The following DTWD2 variants were observed in gnomAD, a reference collection of about 807,000 sequenced individuals.
The protein encoded by DTWD2 is tRNA-uridine aminocarboxypropyltransferase 2.
Under a neutral mutation model 31.8 loss-of-function variants are expected in DTWD2, and 39 were observed. The observed-to-expected ratio is 1.22, with a 90% CI of 0.95 to 1.60. DTWD2 has a LOEUF of 1.60. Ranked by LOEUF, DTWD2 falls within the 40% of genes most tolerant of loss-of-function variation. The pLI, the probability that DTWD2 is intolerant of heterozygous loss-of-function variation, is 0.00. For synonymous variants in DTWD2, 180 were observed against 142.8 expected (o/e 1.26, Z -1.86); for missense variants, 515 against 381.5 (o/e 1.35, Z -2.92).
At chr5:118,913,584 T>C (rs1284655001) in intron 4 of DTWD2, among the ~76,000 whole-genome samples, 1 of 151,780 alleles carries the variant, frequency 6.6e-6, no homozygotes, top group Non-Finnish European at 1.5e-5. Flanking sequence ...GAACAAAGAT[T>C]CTTAAGTATA....
chr5:118,873,205 C>A (rs1176679131), intron 4 of DTWD2, among the ~76,000 whole-genome samples: 2 of 152,198 alleles, frequency 1.3e-5, no homozygotes, highest in Non-Finnish European at 2.9e-5. Context: ...TAGTGGAGCA[C>A]AGCCCGGAAC....
In DTWD2 at chr5:118,944,639, T is replaced by C; in HGVS notation, c.229A>G (p.Lys77Glu). 6.2e-7 allele frequency: 1 copy of C among 1,613,116 alleles called. No individual in the cohort carries two copies. The highest frequency in any genetic ancestry group is 1.1e-5 in the South Asian group (1 of 90,974). The part of the protein sequence containing the change: ...PECTRCSRPQ[K>E]VCLCPFLPAH... ...GGGAGAAATGGACACAAACACACTTTCTGAGGCCGGCTAAAGGGTAAAAAG... is the reference window on the plus strand; with the variant it reads ...GGGAGAAATGGACACAAACACACTTCCTGAGGCCGGCTAAAGGGTAAAAAG... Residue 77 changes from lysine (K) to glutamate (E), a missense_variant, in exon 2 of 6, where the codon AAA (lysine) becomes GAA (glutamate). Coordinates refer to ENST00000510708, the MANE Select transcript of DTWD2 (RefSeq NM_173666.4).
At chr5:118,939,566 T>C (rs1419245074) in intron 2 of DTWD2, among the ~76,000 whole-genome samples, 2 of 152,194 alleles carry the variant, frequency 1.3e-5, no homozygotes, top group African/African-American at 4.8e-5. Context: ...TATTAAAATG[T>C]AAATTTGTGT....
intron 4 of DTWD2, among the ~76,000 whole-genome samples, chr5:118,911,644 G>GGT (rs1753460127): frequency 6.6e-6 from 1 of 151,988 alleles, no homozygotes; most frequent in Non-Finnish European, 1.5e-5. Flanking sequence ...AATAAAATGT[G>GGT]GTGTGTGTAT....
chr5:118,977,785 T>C (rs1056801791), intron 1 of DTWD2, among the ~76,000 whole-genome samples: 1 of 152,178 alleles, frequency 6.6e-6, no homozygotes, highest in African/African-American at 2.4e-5. Context: ...TCAATGCTAT[T>C]CCAATTAAAC....
chr5:118,847,640 C>T (rs1751889593), intron 5 of DTWD2, among the ~76,000 whole-genome samples: 1 of 150,698 alleles, frequency 6.6e-6, no homozygotes, highest in African/African-American at 2.4e-5. Flanking sequence ...GTCTTTTTTA[C>T]ATTCTAAGCA....
At chr5:118,961,116 G>C (rs1754697080) in intron 1 of DTWD2, among the ~76,000 whole-genome samples, 1 of 151,818 alleles carries the variant, frequency 6.6e-6, no homozygotes, top group Non-Finnish European at 1.5e-5. Flanking sequence ...AATTGAGAAA[G>C]CTTAAGAGAG....
At chr5:118,914,227 T>A (rs1445734440) in intron 4 of DTWD2, among the ~76,000 whole-genome samples, 1 of 152,192 alleles carries the variant, frequency 6.6e-6, no homozygotes, top group Non-Finnish European at 1.5e-5. Flanking sequence ...GTCATGAAGC[T>A]CCACCTCATG....
chr5:118,872,416 T>C (rs1752525872), intron 4 of DTWD2, among the ~76,000 whole-genome samples: 1 of 152,214 alleles, frequency 6.6e-6, no homozygotes, highest in Non-Finnish European at 1.5e-5. Flanking sequence ...TAGCCTTTGA[T>C]TTAAAGTAAG....
chr5:118,852,834 T>C (rs946400801), intron 4 of DTWD2, among the ~76,000 whole-genome samples: 66 of 152,002 alleles, frequency 4.3e-4, no homozygotes, highest in African/African-American at 1.2e-3. Context: ...TCATGATGGA[T>C]TGAATAAAGA....
intron 1 of DTWD2, among the ~76,000 whole-genome samples, chr5:118,964,850 C>T (rs2149595017): frequency 6.6e-6 from 1 of 152,308 alleles, no homozygotes; most frequent in Middle Eastern, 3.4e-3. Context: ...GCAGCCTCTG[C>T]CCGGCCACCA....
At chr5:118,973,838 A>G (rs1162139834) in intron 1 of DTWD2, 50 of 1,612,244 alleles carry the variant, frequency 3.1e-5, no homozygotes, top group Non-Finnish European at 3.8e-5. Context: ...AATCACCACC[A>G]AGGACTTACA....
At chr5:118,986,809 G>A (rs894869734) in intron 1 of DTWD2, among the ~76,000 whole-genome samples, 1 of 151,234 alleles carries the variant, frequency 6.6e-6, no homozygotes, top group Admixed American at 6.6e-5. Context: ...TAAGCAAAGT[G>A]TAGAATTATA....
intron 3 of DTWD2, among the ~76,000 whole-genome samples, chr5:118,933,988 G>C (rs931064982): frequency 6.6e-6 from 1 of 150,500 alleles, no homozygotes; most frequent in Non-Finnish European, 1.5e-5. Context: ...ATATACAAAA[G>C]TCAATTGCTT....
chr5:118,872,859 G>T (rs796647571), intron 4 of DTWD2, among the ~76,000 whole-genome samples: 2 of 152,324 alleles, frequency 1.3e-5, no homozygotes, highest in African/African-American at 4.8e-5. Flanking sequence ...CTAGACAGAA[G>T]CAAGTAGAAT....
At chr5:118,915,707 T>G (rs1340024951) in intron 4 of DTWD2, among the ~76,000 whole-genome samples, 1 of 152,166 alleles carries the variant, frequency 6.6e-6, no homozygotes, top group Non-Finnish European at 1.5e-5. Flanking sequence ...CCAATTAAAC[T>G]CTTCCCATGT....
At position 118,988,265 on chromosome 5, in the gene DTWD2, G is replaced by A. The variant is rs914256885; in HGVS notation, c.218+29C>T. 7 of 1,529,390 alleles carry A rather than the reference G, an allele frequency of 4.6e-6. No individual in the cohort carries two copies. The African/African-American group carries it at 8.3e-5, about 18-fold the overall frequency. 94.7% of individuals were successfully genotyped at this position (1,529,390 alleles called of 1,614,324 possible). Reference sequence around the variant, plus strand: ...CCTCCTCCGAAGGCCGCTGCCGGCTGCAGTCCCCGCCCCCAGCCCCGCGGT... The same window carrying A: ...CCTCCTCCGAAGGCCGCTGCCGGCTACAGTCCCCGCCCCCAGCCCCGCGGT... On this transcript the variant is annotated intron_variant, in intron 1 of 5. Transcript: ENST00000510708.
At chr5:118,844,995 A>C (rs878926685) in intron 5 of DTWD2, among the ~76,000 whole-genome samples, 1 of 151,994 alleles carries the variant, frequency 6.6e-6, no homozygotes, top group Admixed American at 6.6e-5. Flanking sequence ...AAAAATACAA[A>C]AATTAGCTGG....
chr5:118,895,566 C>A (rs191365993), intron 4 of DTWD2, among the ~76,000 whole-genome samples: 1 of 152,248 alleles, frequency 6.6e-6, no homozygotes, highest in Admixed American at 6.5e-5. Flanking sequence ...CAATTTTGAG[C>A]AAGAACAACA....
Sources: gnomAD v4.1 joint callset for allele counts (sites outside exome capture counted in the v4.1 genomes callset) on GRCh38, gnomAD v4.1.1 for gene constraint, MANE v1.5 for transcripts, NCBI Gene and HGNC (gene_info 2026-07-23, HGNC 2026-07-21) for gene names.